ZFP90: variants seen among roughly 807,000 people sequenced by gnomAD.
ZFP90 encodes the protein ZFP90 zinc finger protein.
In ZFP90, 38 loss-of-function variants were observed where a neutral mutation model predicts 60.8. The ratio of observed to expected loss-of-function variants is 0.62; its 90% CI spans 0.48 to 0.82. The LOEUF (loss-of-function observed/expected upper bound fraction) is 0.82, where lower values mean the gene tolerates loss of function less well. ZFP90 is among the 40% of genes least tolerant of loss of function. ZFP90 has a pLI of 0.00. For missense variants in ZFP90, 711 were observed against 759.1 expected, an observed-to-expected ratio of 0.94 and a Z score of 0.74; for synonymous variants, 287 against 264.8, an observed-to-expected ratio of 1.08 and a Z score of -0.82.
At chr16:68,561,134 A>G (rs1416056134) in intron 4 of ZFP90, among the ~76,000 whole-genome samples, 3 of 147,842 alleles carry the variant, frequency 2.0e-5, no homozygotes, top group South Asian at 2.2e-4. Flanking sequence ...AGCTCAGGCA[A>G]TGTGCCCACC....
intron 2 of ZFP90, among the ~76,000 whole-genome samples, chr16:68,572,700 TG>T (rs2091574460): frequency 6.6e-6 from 1 of 152,208 alleles, no homozygotes; most frequent in South Asian, 2.1e-4. Context: ...TCTGAAAGCA[TG>T]GGAGCTTGGC....
chr16:68,549,794 G>C (rs1047286575), intron 2 of ZFP90, among the ~76,000 whole-genome samples: 4 of 152,054 alleles, frequency 2.6e-5, no homozygotes, highest in Admixed American at 6.6e-5. Context: ...GAGGATGTGG[G>C]GAAGCTTCAG....
rs556184295 is a variant in ZFP90, at chr16:68,557,499, T to G, written c.34-499T>G. On this transcript the variant is annotated intron_variant, in intron 2 of 4. Coordinates refer to ENST00000563169, the MANE Select transcript of ZFP90 (RefSeq NM_001305203.2). ...GTAGAACAATATGTATGGTATTTCA[T>G]AAAACAAGATTCTGTGTTGGGGTGT... Among the ~76,000 whole-genome samples the G allele has an allele frequency of 2.0e-5, 3 of 152,124 alleles. No homozygotes were observed. In the East Asian group the frequency reaches 5.8e-4, roughly 29 times the overall value.
At chr16:68,552,790 T>C (rs2152066352) in intron 2 of ZFP90, among the ~76,000 whole-genome samples, 1 of 152,222 alleles carries the variant, frequency 6.6e-6, no homozygotes, top group East Asian at 1.9e-4. Flanking sequence ...GCATGGTGGC[T>C]AATACCTGTC....
chr16:68,571,273 G>T (rs1597760027), downstream of ZFP90, among the ~76,000 whole-genome samples: 1 of 152,152 alleles, frequency 6.6e-6, no homozygotes, highest in African/African-American at 2.4e-5. Context: ...CAGACTGAGG[G>T]TTAGGTTAGT....
At chr16:68,569,962 C>T (rs1486475759), downstream of ZFP90, among the ~76,000 whole-genome samples, 1 of 151,752 alleles carries the variant, frequency 6.6e-6, no homozygotes, top group Non-Finnish European at 1.5e-5. Flanking sequence ...CTCTTTCCTG[C>T]ATTTATTTTT....
intron 2 of ZFP90, among the ~76,000 whole-genome samples, chr16:68,575,388 A>G (rs1054763250): frequency 1.3e-4 from 20 of 152,156 alleles, no homozygotes; most frequent in African/African-American, 4.6e-4. Flanking sequence ...GCAGAGAAGA[A>G]TTTTATTGAG....
chr16:68,546,692 A>G (rs1361362627), intron 2 of ZFP90, among the ~76,000 whole-genome samples: 1 of 152,120 alleles, frequency 6.6e-6, no homozygotes, highest in Non-Finnish European at 1.5e-5. Context: ...TTGTGTTTTT[A>G]GTAGAGCCAG....
rs1283741957 is a variant in ZFP90, at chr16:68,565,180, C to A, written c.*482C>A. The A allele has an allele frequency of 1.0e-6, 1 of 991,110 alleles. No individual in the cohort carries two copies. The highest frequency in any genetic ancestry group is 5.8e-5 in the Admixed American group (1 of 17,280). The allele number at this position is 991,110 out of a possible 1,614,324, so 61.4% of individuals were successfully genotyped here. ...CAAAGAATTAGATCAACTAGCCCAA[C>A]CACTTCATTGTACAGATGAAGACTG... On this transcript the variant is annotated 3_prime_UTR_variant, in exon 5 of 5. Coordinates refer to ENST00000563169, the MANE Select transcript of ZFP90 (RefSeq NM_001305203.2).
chr16:68,559,604 G>GT (rs1227799340), intron 4 of ZFP90, among the ~76,000 whole-genome samples: 2 of 152,000 alleles, frequency 1.3e-5, no homozygotes, highest in Non-Finnish European at 2.9e-5. Flanking sequence ...ATCTCACTCT[G>GT]TCACCCACGC....
In ZFP90 at chr16:68,564,169, A is replaced by G. The variant is rs765337426; in HGVS notation, c.1382A>G (p.His461Arg). 7.4e-6 allele frequency: 12 copies of G among 1,614,074 alleles called. No individual in the cohort carries two copies. Among genetic ancestry groups the G allele is most frequent in the South Asian group, 4.4e-5 (4 of 91,092 alleles). The change falls in exon 5 of 5, where the codon CAC (histidine) becomes CGC (arginine). Residue 461 changes from histidine to arginine, a missense_variant. His to Arg is a conservative substitution (Grantham distance 29). Transcript: ENST00000563169. Reference sequence around the variant, plus strand: ...AATGACTGTGGGGAAGACTTTAGTCACATTACAGACTTTACTGACCATCAG... The same window carrying G: ...AATGACTGTGGGGAAGACTTTAGTCGCATTACAGACTTTACTGACCATCAG... ...HCNDCGEDFS[H>R]ITDFTDHQRI...
chr16:68,564,641 C>A lies in ZFP90; in HGVS notation c.1854C>A (p.Phe618Leu). 1 of 1,614,016 alleles carries A rather than the reference C, an allele frequency of 6.2e-7. No individual in the cohort carries two copies. The highest frequency in any genetic ancestry group is 8.5e-7 in the Non-Finnish European group (1 of 1,179,970). Residue 618 changes from phenylalanine (F) to leucine (L), a missense_variant, in exon 5 of 5, where the codon TTC becomes TTA. Physicochemically the swap from Phe to Leu is conservative, Grantham distance 22. Coordinates refer to ENST00000563169, the MANE Select transcript of ZFP90 (RefSeq NM_001305203.2). ...PYSCKECGKNFSRSSALTKHQ... is the reference protein window; with the variant it reads ...PYSCKECGKNLSRSSALTKHQ... ...CTTGTAAGGAATGTGGGAAAAACTT[C>A]AGCCGAAGTTCAGCTCTTACTAAAC...
At chr16:68,537,069 A>G (rs1045218164), upstream of ZFP90, among the ~76,000 whole-genome samples, 2 of 151,522 alleles carry the variant, frequency 1.3e-5, no homozygotes, top group Non-Finnish European at 2.9e-5. Flanking sequence ...TTGCACCTTC[A>G]GTTTCTTCAG....
At position 68,558,486 on chromosome 16, in the gene ZFP90, C is replaced by G. The variant is rs759677477; in HGVS notation, c.174C>G (p.Ser58=). 1 of 1,613,788 alleles carries G rather than the reference C, an allele frequency of 6.2e-7. No individual in the cohort carries two copies. The highest frequency in any genetic ancestry group is 8.5e-7 in the Non-Finnish European group (1 of 1,179,980). The change falls in exon 4 of 5, where the codon TCC becomes TCG. Residue 58 remains serine (S), a synonymous_variant. Coordinates refer to ENST00000563169, the MANE Select transcript of ZFP90 (RefSeq NM_001305203.2). ...ACCCATGAGCAGGATATCAAGTTTC[C>G]AAGCCAGAGGTGATCTTCAAATTGG... The part of the protein sequence containing the change: ...SHLVSLGYQV[S]KPEVIFKLEQ...
rs529100269 is a variant in ZFP90 at position 68,546,276 on chromosome 16, A to T, written c.33+6451A>T. The stretch of plus-strand genomic sequence containing the variant: ...CAGTTTTTATAAATTTTGATAAAAT[A>T]CACATAAGACAATCTTAAGTGTACA... On this transcript the variant is annotated intron_variant, in intron 2 of 4. Transcript: ENST00000563169. Among the ~76,000 whole-genome samples, 6 of 152,362 alleles carry T rather than the reference A, an allele frequency of 3.9e-5. No individual in the cohort carries two copies. The East Asian group carries it at 1.2e-3, about 29-fold the overall frequency.
intron 2 of ZFP90, among the ~76,000 whole-genome samples, chr16:68,540,146 T>TG (rs2091015473): frequency 1.3e-5 from 2 of 151,462 alleles, no homozygotes; most frequent in Non-Finnish European, 1.5e-5. Context: ...ATGGAGAGAG[T>TG]GGGGTCACAG....
upstream of ZFP90, among the ~76,000 whole-genome samples, chr16:68,537,118 T>C (rs2090966302): frequency 8.8e-6 from 1 of 114,104 alleles, no homozygotes; most frequent in Admixed American, 9.3e-5. Context: ...GCAGTTGTTT[T>C]GTTGTTGTTG....
At chr16:68,539,711 G>A (rs1420191062) in intron 1 of ZFP90, 47 bp from the exon 2 acceptor site, 3 of 1,425,514 alleles carry the variant, frequency 2.1e-6, no homozygotes, top group South Asian at 1.4e-5. Context: ...GGGCGGGGTG[G>A]GGTCGGTGTT....
intron 2 of ZFP90, among the ~76,000 whole-genome samples, chr16:68,545,313 C>T (rs77714229): frequency 0.031 from 4,682 of 152,090 alleles, 230 homozygotes; most frequent in African/African-American, 0.11. Context: ...AGACTAAACA[C>T]GAGGTAACAT....
Sources: allele counts gnomAD v4.1 joint callset (sites outside exome capture counted in the v4.1 genomes callset), GRCh38; gene constraint gnomAD v4.1.1; transcripts MANE v1.5; gene names NCBI Gene and HGNC (gene_info 2026-07-23, HGNC 2026-07-21).